CSMD1: variants seen among roughly 807,000 people sequenced by gnomAD.
The protein encoded by CSMD1 is CUB and sushi domain-containing protein 1.
In CSMD1, 213 loss-of-function variants were observed where a neutral mutation model predicts 417.5. The ratio of observed to expected loss-of-function variants is 0.51; its 90% CI spans 0.46 to 0.57. CSMD1 has a LOEUF of 0.57. CSMD1 is among the 20% of genes least tolerant of loss of function. The pLI is 0.00. For synonymous variants in CSMD1, 2,862 were observed against 1,736.8 expected (o/e 1.65, Z -16.11); for missense variants, 6,923 against 4,529.7 (o/e 1.53, Z -15.17).
chr8:3,001,806 A>G (rs1450152643), intron 52 of CSMD1, among the ~76,000 whole-genome samples: 3 of 152,202 alleles, frequency 2.0e-5, no homozygotes, highest in Non-Finnish European at 2.9e-5. Context: ...GAACACAACC[A>G]ATGATTCTCC....
At chr8:4,434,265 C>A (rs2128948954) in intron 2 of CSMD1, among the ~76,000 whole-genome samples, 1 of 152,272 alleles carries the variant, frequency 6.6e-6, no homozygotes, top group Middle Eastern at 3.4e-3. Context: ...ACTCAGGAGG[C>A]TGAGGCAAGA....
intron 12 of CSMD1, among the ~76,000 whole-genome samples, chr8:3,429,610 AG>A (rs1814085884): frequency 6.6e-6 from 1 of 152,212 alleles, no homozygotes; most frequent in Non-Finnish European, 1.5e-5. Flanking sequence ...TATCTTGACG[AG>A]GGGTGGTGAA....
chr8:4,759,879 G>C (rs1459661984), intron 1 of CSMD1, among the ~76,000 whole-genome samples: 3 of 152,196 alleles, frequency 2.0e-5, no homozygotes, highest in Non-Finnish European at 2.9e-5. Flanking sequence ...ATATAGGCAT[G>C]CATGTGTATT....
chr8:4,167,165 A>C (rs373560617), intron 3 of CSMD1, among the ~76,000 whole-genome samples: 32 of 152,324 alleles, frequency 2.1e-4, no homozygotes, highest in African/African-American at 7.7e-4. Context: ...CCTACTTCTG[A>C]AGTAGAAAAC....
rs1179474336 is a variant in CSMD1, at chr8:4,804,699, T to G, written c.86-167141A>C. 3.3e-5 allele frequency among the ~76,000 whole-genome samples: 5 copies of G among 152,208 alleles called. No homozygotes were observed. The East Asian group carries it at 7.7e-4, about 23-fold the overall frequency. ...TCAAAATATAAAACCAATATTATGTTCATACATTATATCCTTATGACTGCT... is the reference window on the plus strand; with the variant it reads ...TCAAAATATAAAACCAATATTATGTGCATACATTATATCCTTATGACTGCT... On this transcript the variant is annotated intron_variant, in intron 1 of 69. Coordinates refer to ENST00000635120, the MANE Select transcript of CSMD1 (RefSeq NM_033225.6).
Position 3,387,583 on chromosome 8 carries a change from C to G in CSMD1, c.2693G>C (p.Ser898Thr), listed in dbSNP as rs372497435. ...DFGIRSTVTF[S>T]CDPGYTLSDD... ...ACTTAGTGTGTACCCCGGGTCACAGCTGAAAGTCACTGTGGACCTGATGCC... is the reference window on the plus strand; with the variant it reads ...ACTTAGTGTGTACCCCGGGTCACAGGTGAAAGTCACTGTGGACCTGATGCC... The change falls in exon 18 of 70, where the codon AGC becomes ACC. Residue 898 changes from serine to threonine, a missense_variant. Ser to Thr is a moderately conservative substitution (Grantham distance 58, BLOSUM62 1). Transcript: ENST00000635120. The G allele has an allele frequency of 1.9e-5, 31 of 1,600,294 alleles. No individual in the cohort carries two copies. The Admixed American group carries it at 2.4e-4, about 12-fold the overall frequency.
intron 2 of CSMD1, among the ~76,000 whole-genome samples, chr8:4,456,375 AATC>A (rs1799485526): frequency 6.6e-6 from 1 of 152,238 alleles, no homozygotes; most frequent in Non-Finnish European, 1.5e-5. Context: ...ATCTGTCACT[AATC>A]AAATAGCTAG....
In CSMD1 at chr8:3,655,669, T is replaced by A. The variant is rs966648985; in HGVS notation, c.1010-38872A>T. On this transcript the variant is annotated intron_variant, in intron 7 of 69. Coordinates refer to ENST00000635120, the MANE Select transcript of CSMD1 (RefSeq NM_033225.6). ...CTCAATGGAGGTTGCGTTTTTTTTT[T>A]TTTTTTTTTTTTAATCTTCCACTGC... Among the ~76,000 whole-genome samples the A allele has an allele frequency of 5.9e-5, 9 of 151,758 alleles. No individual in the cohort carries two copies. In the East Asian group the frequency reaches 1.7e-3, roughly 29 times the overall value.
chr8:4,573,111 T>C (rs1052419203), intron 2 of CSMD1, among the ~76,000 whole-genome samples: 4 of 152,312 alleles, frequency 2.6e-5, no homozygotes, highest in African/African-American at 9.6e-5. Flanking sequence ...TTCTGAAGCC[T>C]ACTTCTGTCA....
chr8:3,248,984 G>A (rs1235562309), intron 26 of CSMD1, among the ~76,000 whole-genome samples: 1 of 152,054 alleles, frequency 6.6e-6, no homozygotes, highest in Non-Finnish European at 1.5e-5. Context: ...ACCTTCTCTA[G>A]AAGGTGCACT....
intron 3 of CSMD1, among the ~76,000 whole-genome samples, chr8:4,372,136 C>G (rs779003223): frequency 1.3e-5 from 2 of 152,178 alleles, no homozygotes; most frequent in Non-Finnish European, 2.9e-5. Context: ...TAGCATTTTT[C>G]TATGTGCATT....
chr8:4,489,502 T>C (rs1297361683), intron 2 of CSMD1, among the ~76,000 whole-genome samples: 2 of 151,482 alleles, frequency 1.3e-5, no homozygotes, highest in Non-Finnish European at 2.9e-5. Flanking sequence ...AAACGAGAGG[T>C]GGTTGGAATA....
chr8:3,507,608 T>G (rs1041347585), intron 10 of CSMD1, among the ~76,000 whole-genome samples: 2 of 152,212 alleles, frequency 1.3e-5, no homozygotes, highest in Non-Finnish European at 2.9e-5. Flanking sequence ...TGAACTAGTT[T>G]ACATTCCCAC....
At chr8:4,187,623 C>T (rs1798761276) in intron 3 of CSMD1, among the ~76,000 whole-genome samples, 1 of 129,340 alleles carries the variant, frequency 7.7e-6, no homozygotes, top group Non-Finnish European at 1.5e-5. Flanking sequence ...TTGCAGTGAG[C>T]CGAGATTGCA....
intron 5 of CSMD1, among the ~76,000 whole-genome samples, chr8:3,959,680 G>A (rs1262202965): frequency 1.3e-5 from 2 of 152,142 alleles, no homozygotes; most frequent in South Asian, 4.1e-4. Flanking sequence ...TCCTAGTACA[G>A]CAGGTAAGTT....
chr8:3,903,496 G>C (rs10113668), intron 5 of CSMD1, among the ~76,000 whole-genome samples: 3 of 152,126 alleles, frequency 2.0e-5, no homozygotes, highest in African/African-American at 4.8e-5. Context: ...CGACAGCAGA[G>C]AAGTGTGCTT....
At chr8:3,798,701 T>G (rs1800296722) in intron 5 of CSMD1, among the ~76,000 whole-genome samples, 1 of 152,146 alleles carries the variant, frequency 6.6e-6, no homozygotes, top group African/African-American at 2.4e-5. Context: ...TATACACATG[T>G]ACAAACATAA....
At chr8:4,139,320 A>C (rs1803633694) in intron 3 of CSMD1, among the ~76,000 whole-genome samples, 1 of 152,198 alleles carries the variant, frequency 6.6e-6, no homozygotes, top group Admixed American at 6.5e-5. Flanking sequence ...ACTTATACGA[A>C]AATTTATTAC....
intron 46 of CSMD1, among the ~76,000 whole-genome samples, chr8:3,101,574 A>C (rs6558721): frequency 0.81 from 122,544 of 151,832 alleles, 49,570 homozygotes; most frequent in East Asian, 0.96. Context: ...AGGGGCCCAC[A>C]ACCATGCCTG....
Sources: allele counts gnomAD v4.1 joint callset (sites outside exome capture counted in the v4.1 genomes callset), GRCh38; gene constraint gnomAD v4.1.1; transcripts MANE v1.5; gene names NCBI Gene and HGNC (gene_info 2026-07-23, HGNC 2026-07-21).